Variants in ZNF680 observed in about 807,000 individuals in gnomAD.
ZNF680 encodes zinc finger protein 680, also known as hypothetical protein FLJ90430.
In ZNF680, 6 loss-of-function variants were observed where a neutral mutation model predicts 12.1. The ratio of observed to expected loss-of-function variants is 0.49; its 90% confidence interval spans 0.27 to 0.98. ZNF680 has a LOEUF of 0.98. ZNF680 is among the 50% of genes least tolerant of loss of function. The pLI, the probability that ZNF680 is intolerant of heterozygous loss-of-function variation, is 0.12. For missense variants in ZNF680, 561 were observed against 616.3 expected (o/e 0.91, Z 0.95); for synonymous variants, 170 against 199.3 (o/e 0.85, Z 1.24).
intron 3 of ZNF680, among the ~76,000 whole-genome samples, chr7:64,528,063 G>A (rs1791964647): frequency 6.6e-6 from 1 of 152,120 alleles, no homozygotes; most frequent in South Asian, 2.1e-4. Flanking sequence ...TCTAGTTTGT[G>A]GGAGAAGATG....
At chr7:64,548,366 GTTTT>G (rs1402412402) in intron 1 of ZNF680, among the ~76,000 whole-genome samples, 1 of 152,188 alleles carries the variant, frequency 6.6e-6, no homozygotes, top group African/African-American at 2.4e-5. Context: ...CAAAGGCCAA[GTTTT>G]TTTCTTTTCC....
At chr7:64,538,496 G>A (rs1347278253) in intron 3 of ZNF680, among the ~76,000 whole-genome samples, 1 of 152,004 alleles carries the variant, frequency 6.6e-6, no homozygotes, top group Non-Finnish European at 1.5e-5. Context: ...ATGCAAAAAA[G>A]CATTTGAAAG....
At chr7:64,546,507 C>T (rs1402856178) in intron 1 of ZNF680, among the ~76,000 whole-genome samples, 5 of 152,134 alleles carry the variant, frequency 3.3e-5, no homozygotes, top group South Asian at 2.1e-4. Context: ...ACCGGGAGGC[C>T]GAGGCAGGTG....
intron 3 of ZNF680, among the ~76,000 whole-genome samples, chr7:64,541,239 T>C (rs1373616052): frequency 6.6e-6 from 1 of 152,118 alleles, no homozygotes; most frequent in African/African-American, 2.4e-5. Context: ...AACCATATCA[T>C]GTAAATTCTA....
rs776475965 is a variant in ZNF680 at position 64,563,053 on chromosome 7, T to G, written c.-99A>C. 62 of 1,425,076 alleles carry G rather than the reference T, an allele frequency of 4.4e-5. No individual in the cohort carries two copies. The highest frequency in any genetic ancestry group is 5.7e-5 in the Non-Finnish European group (58 of 1,020,588). 88.3% of individuals were successfully genotyped at this position (1,425,076 alleles called of 1,614,324 possible). On this transcript the variant is annotated 5_prime_UTR_variant, in exon 1 of 4. Transcript: ENST00000309683. ...GAGCAGTAAAGACTAGACCTGGAGC[T>G]CCCGCAGCAGCTAGAGACAAAGGCC...
At chr7:64,529,089 TCGGCTCTC>T (rs1239422637) in intron 3 of ZNF680, among the ~76,000 whole-genome samples, 1 of 151,988 alleles carries the variant, frequency 6.6e-6, no homozygotes, top group Non-Finnish European at 1.5e-5. Flanking sequence ...TCAATACAGC[TCGGCTCTC>T]AGGAAGCCAC....
At chr7:64,556,057 C>A in intron 1 of ZNF680, among the ~76,000 whole-genome samples, 1 of 151,330 alleles carries the variant, frequency 6.6e-6, no homozygotes. Context: ...AGGAATACAC[C>A]TAATCAGGGA....
At chr7:64,555,721 T>G (rs1021407581) in intron 1 of ZNF680, among the ~76,000 whole-genome samples, 1 of 95,256 alleles carries the variant, frequency 1.0e-5, no homozygotes, top group Non-Finnish European at 2.0e-5. Flanking sequence ...GAATTAAACC[T>G]TTGTAAAAAA....
chr7:64,502,786 T>C, the ZNF680 span, among the ~76,000 whole-genome samples: 7 of 152,162 alleles, frequency 4.6e-5, no homozygotes, highest in African/African-American at 7.2e-5. Context: ...TCATATATCC[T>C]GAAGAATCAA....
At chr7:64,509,449 T>C in the ZNF680 span, among the ~76,000 whole-genome samples, 2 of 152,226 alleles carry the variant, frequency 1.3e-5, no homozygotes, top group African/African-American at 4.8e-5. Flanking sequence ...ATTTTTACAC[T>C]TTTAAGGCAT....
At chr7:64,508,144 C>G in the ZNF680 span, among the ~76,000 whole-genome samples, 8 of 59,614 alleles carry the variant, frequency 1.3e-4, no homozygotes, top group Admixed American at 1.0e-3. Flanking sequence ...TATATATATA[C>G]ATAATTTTTT....
At chr7:64,552,708 T>C (rs944644084) in intron 1 of ZNF680, among the ~76,000 whole-genome samples, 13 of 152,244 alleles carry the variant, frequency 8.5e-5, no homozygotes, top group African/African-American at 3.1e-4. Flanking sequence ...TCTTTAACCA[T>C]AATTCAGTTA....
chr7:64,536,219 A>ATAATTAATAAGATT (rs1438343021), intron 3 of ZNF680, among the ~76,000 whole-genome samples: 3 of 152,228 alleles, frequency 2.0e-5, no homozygotes, highest in Admixed American at 6.5e-5. Context: ...GATTAATAAG[A>ATAATTAATAAGATT]AAACAGAAAA....
At chr7:64,531,545 C>G (rs939260129) in intron 3 of ZNF680, among the ~76,000 whole-genome samples, 2 of 136,978 alleles carry the variant, frequency 1.5e-5, no homozygotes, top group Non-Finnish European at 3.0e-5. Context: ...TGCAGTGAGC[C>G]AAGATCGTGC....
In ZNF680 at chr7:64,521,461, C is replaced by T. The variant is rs1791525188; in HGVS notation, c.1293G>A (p.Glu431=). The T allele has an allele frequency of 6.2e-7, 1 of 1,613,378 alleles. No individual in the cohort carries two copies. Among genetic ancestry groups the T allele is most frequent in the African/African-American group, 1.3e-5 (1 of 74,874 alleles). The change falls in exon 4 of 4, where the codon GAG becomes GAA. Residue 431 remains glutamate, a synonymous_variant. Coordinates refer to ENST00000309683, the MANE Select transcript of ZNF680 (RefSeq NM_178558.5). ...CACATTCTTCACATTTGTAGGTATT[C>T]TCTCTAGTGTGAATTCTCTTATGTC... ...LTRHKRIHTR[E]NTYKCEECGK...
the ZNF680 span, among the ~76,000 whole-genome samples, chr7:64,504,707 G>A: frequency 6.6e-6 from 1 of 152,130 alleles, no homozygotes; most frequent in Admixed American, 6.6e-5. Flanking sequence ...CACAGAAAAA[G>A]GTGCCAAGAG....
At chr7:64,526,451 G>T (rs73128772) in intron 3 of ZNF680, 3 of 1,450,456 alleles carry the variant, frequency 2.1e-6, no homozygotes, top group African/African-American at 1.4e-5. Context: ...CATCTTTAGG[G>T]AGGCCAAGGC....
chr7:64,502,525 T>C, the ZNF680 span, among the ~76,000 whole-genome samples: 1 of 152,202 alleles, frequency 6.6e-6, no homozygotes, highest in South Asian at 2.1e-4. Context: ...TAACAATGTA[T>C]TTTTGTGAAT....
the ZNF680 span, chr7:64,501,623 T>C: frequency 2.1e-4 from 160 of 780,008 alleles, no homozygotes; most frequent in South Asian, 1.0e-3. Flanking sequence ...TGGATGATGA[T>C]GATAATGAAG....
Sources: gnomAD v4.1 joint callset for allele counts (sites outside exome capture counted in the v4.1 genomes callset) on GRCh38, gnomAD v4.1.1 for gene constraint, MANE v1.5 for transcripts, NCBI Gene and HGNC (gene_info 2026-07-23, HGNC 2026-07-21) for gene names.